Variants in JADE2 observed in about 807,000 individuals in gnomAD.
JADE2 encodes the protein E3 ubiquitin-protein ligase Jade-2.
JADE2 carries 13 observed loss-of-function variants against 85.7 expected under a neutral mutation model. The ratio of observed to expected loss-of-function variants is 0.15; its 90% CI spans 0.10 to 0.24. JADE2 has a LOEUF of 0.24. Ranked by LOEUF, JADE2 falls within the 10% of genes least tolerant of loss-of-function variation. JADE2 has a pLI of 1.00. For missense variants in JADE2, 846 were observed against 1,115.9 expected (o/e 0.76, Z 3.45); for synonymous variants, 440 against 456.1 (o/e 0.96, Z 0.45).
At chr5:134,574,001 C>A (rs973978992) in intron 10 of JADE2, 7 of 599,644 alleles carry the variant, frequency 1.2e-5, no homozygotes, top group Non-Finnish European at 1.8e-5. Flanking sequence ...ATCAGGCCTG[C>A]CCTCAGGGAG....
intron 1 of JADE2, among the ~76,000 whole-genome samples, chr5:134,530,199 G>A (rs1761143890): frequency 6.6e-6 from 1 of 152,210 alleles, no homozygotes. Flanking sequence ...CTTGTTTTCT[G>A]AATGTCTGGC....
intron 10 of JADE2, 44 bp downstream of exon 10, chr5:134,573,806 C>G (rs1381423967): frequency 1.7e-6 from 2 of 1,199,662 alleles, no homozygotes; most frequent in East Asian, 2.3e-5. Flanking sequence ...CCTGTGCCCT[C>G]TCTTGCGGGG....
intron 4 of JADE2, among the ~76,000 whole-genome samples, chr5:134,559,512 T>G (rs896812548): frequency 6.6e-6 from 1 of 152,118 alleles, no homozygotes; most frequent in Non-Finnish European, 1.5e-5. Context: ...TGGCAGGAAG[T>G]GGGATGAGCT....
At chr5:134,550,354 TCTC>T (rs756212674) in intron 3 of JADE2, among the ~76,000 whole-genome samples, 3 of 152,150 alleles carry the variant, frequency 2.0e-5, no homozygotes, top group Non-Finnish European at 4.4e-5. Flanking sequence ...ATTCCAGTGT[TCTC>T]CTTGTGGTTT....
chr5:134,556,496 A>G (rs1223066694), intron 4 of JADE2, among the ~76,000 whole-genome samples: 6 of 123,596 alleles, frequency 4.9e-5, no homozygotes, highest in Non-Finnish European at 7.0e-5. Context: ...CACATACCAC[A>G]TGCACACACA....
At position 134,578,686 on chromosome 5, in the gene JADE2, G is replaced by T. The variant is rs746421512; in HGVS notation, c.1874G>T (p.Arg625Leu). The T allele has an allele frequency of 6.2e-7, 1 of 1,613,894 alleles. No homozygotes were observed. Reference protein sequence around the residue: ...QDEETLLSFMRDPSLRPGDPA... With the variant: ...QDEETLLSFMLDPSLRPGDPA... ...GAGGAGACACTGCTCAGCTTCATGC[G>T]GGACCCCTCGCTGCGACCTGGTGAC... The change falls in exon 12 of 12, where the codon CGG becomes CTG. Residue 625 changes from arginine to leucine, a missense_variant. Around this residue, in one of 9 missense-constraint regions of JADE2, gnomAD observed 300 missense variants for 300.7 expected, o/e 1.00. Coordinates refer to ENST00000681547, the MANE Select transcript of JADE2 (RefSeq NM_001388185.1). This position sits in a 1 kb window ranked among gnomAD's most constrained non-coding sequence, Gnocchi z 4.4.
chr5:134,578,738 C>G lies in JADE2; in HGVS notation c.1926C>G (p.Thr642=), dbSNP rs752295250. ...GDPARKARGR[T]RLPAKKKPPP... ...CTGCTAGGAAGGCCCGAGGCCGCACCCGCCTGCCTGCCAAGAAGAAACCAC... is the reference window on the plus strand; with the variant it reads ...CTGCTAGGAAGGCCCGAGGCCGCACGCGCCTGCCTGCCAAGAAGAAACCAC... Residue 642 remains threonine (T), a synonymous_variant, in exon 12 of 12, where the codon ACC becomes ACG. Coordinates refer to ENST00000681547, the MANE Select transcript of JADE2 (RefSeq NM_001388185.1). The surrounding 1 kb of genome is among the most constrained non-coding windows in gnomAD (Gnocchi z 4.4). 1.2e-6 allele frequency: 2 copies of G among 1,613,608 alleles called. No individual in the cohort carries two copies. Among genetic ancestry groups the G allele is most frequent in the Non-Finnish European group, 1.7e-6 (2 of 1,179,956 alleles).
Position 134,581,518 on chromosome 5 carries a change from C to G in JADE2, c.*2201C>G, listed in dbSNP as rs1394528045. 1 of 152,520 alleles carries G rather than the reference C, an allele frequency of 6.6e-6. No individual in the cohort carries two copies. The highest frequency in any genetic ancestry group is 1.5e-5 in the Non-Finnish European group (1 of 68,206). The allele number at this position is 152,520 out of a possible 1,614,324, so 9.4% of individuals were successfully genotyped here. The stretch of plus-strand genomic sequence containing the variant: ...GCACTTGGCCCCTTGCCCCTTCACA[C>G]CATCCTGGGGCAGGGGCTGGGCCTC... On this transcript the variant is annotated 3_prime_UTR_variant, in exon 12 of 12. Coordinates refer to ENST00000681547, the MANE Select transcript of JADE2 (RefSeq NM_001388185.1).
chr5:134,535,862 A>C lies in JADE2; in HGVS notation c.5A>C (p.Glu2Ala). 1 of 1,613,974 alleles carries C rather than the reference A, an allele frequency of 6.2e-7. No homozygotes were observed. The highest frequency in any genetic ancestry group is 8.5e-7 in the Non-Finnish European group (1 of 1,179,914). The stretch of plus-strand genomic sequence containing the variant: ...TGGGCTTGCCTTTTGTTGCAGATGG[A>C]AGAGAAGAGGCGAAAATACTCCATC... M[E>A]EKRRKYSISS... is the part of the protein sequence containing the mutation. Residue 2 changes from glutamate to alanine, a missense_variant, in exon 2 of 12, where the codon GAA becomes GCA. This residue lies in a region of JADE2 where 47 missense variants were observed against 42.2 expected (regional missense o/e 1.11). Transcript: ENST00000681547.
intron 4 of JADE2, among the ~76,000 whole-genome samples, chr5:134,556,635 C>A: frequency 1.2e-5 from 1 of 82,852 alleles, no homozygotes; most frequent in South Asian, 5.0e-4. Context: ...ACACACACAC[C>A]TCACACATCA....
intron 4 of JADE2, among the ~76,000 whole-genome samples, chr5:134,557,530 C>A (rs1272479207): frequency 5.4e-5 from 6 of 110,950 alleles, no homozygotes; most frequent in East Asian, 2.5e-4. Flanking sequence ...TCCCTCCCCC[C>A]TCCCCCGAAC....
chr5:134,574,115 C>T, intron 10 of JADE2: 1 of 350,292 alleles, frequency 2.9e-6, no homozygotes, highest in Non-Finnish European at 5.4e-6. Flanking sequence ...GCAGGAAGGG[C>T]CAGAAGCTGG....
chr5:134,568,212 G>T (rs1209077654), intron 9 of JADE2, among the ~76,000 whole-genome samples: 1 of 152,212 alleles, frequency 6.6e-6, no homozygotes, highest in South Asian at 2.1e-4. Context: ...ACTTGAGGAA[G>T]ATCCTCCCAG....
chr5:134,553,485 C>G (rs1472188609), intron 4 of JADE2, among the ~76,000 whole-genome samples: 3 of 152,118 alleles, frequency 2.0e-5, no homozygotes, highest in African/African-American at 7.2e-5. Context: ...TCCCGAATAG[C>G]TGGGATGACA....
intron 2 of JADE2, among the ~76,000 whole-genome samples, chr5:134,537,629 G>A (rs1190824964): frequency 3.3e-5 from 5 of 152,150 alleles, no homozygotes; most frequent in Non-Finnish European, 7.3e-5. Context: ...CAGAGTATTT[G>A]GACAGTACCT....
rs1389357342 is a variant in JADE2 at position 134,580,444 on chromosome 5, A to AT, written c.*1128dup. On this transcript the variant is annotated 3_prime_UTR_variant, in exon 12 of 12. Coordinates refer to ENST00000681547, the MANE Select transcript of JADE2 (RefSeq NM_001388185.1). Reference sequence around the variant, plus strand: ...CAGCCATCCCCCCCCCCGTCCTGCCATCCCCCCCCGCCGTCCTGCCTTCCC... The same window carrying AT: ...CAGCCATCCCCCCCCCCGTCCTGCCATTCCCCCCCCGCCGTCCTGCCTTCCC... The AT allele has an allele frequency of 4.8e-5, 2 of 41,446 alleles. No individual in the cohort carries two copies. Among genetic ancestry groups the AT allele is most frequent in the African/African-American group, 9.7e-5 (1 of 10,320 alleles). 2.6% of individuals were successfully genotyped at this position (41,446 alleles called of 1,614,324 possible).
upstream of JADE2, among the ~76,000 whole-genome samples, chr5:134,525,382 G>A (rs565248817): frequency 1.8e-3 from 281 of 152,090 alleles, no homozygotes; most frequent in African/African-American, 6.3e-3. Flanking sequence ...GAGTCCATGG[G>A]GAGTCCGGGC....
rs1763634870 is a variant in JADE2 at position 134,566,261 on chromosome 5, A to G, written c.1115A>G (p.Glu372Gly). Residue 372 changes from glutamate to glycine, a missense_variant, in exon 9 of 12, where the codon GAG becomes GGG. By Grantham distance (98) the Glu-to-Gly change is moderately conservative. This residue lies in a region of JADE2 where 88 missense variants were observed against 140.6 expected (regional missense o/e 0.63). Transcript: ENST00000681547. The surrounding 1 kb of genome is among the most constrained non-coding windows in gnomAD (Gnocchi z 6.7). ...CACAGTGACGGGGGCCCACGTAATG[A>G]GCCCACATCTGAGCCCACGGAACCC... ...QEHSDGGPRN[E>G]PTSEPTEPSQ... 6.2e-7 allele frequency: 1 copy of G among 1,614,020 alleles called. No individual in the cohort carries two copies. The highest frequency in any genetic ancestry group is 8.5e-7 in the Non-Finnish European group (1 of 1,180,042).
At chr5:134,547,487 T>C (rs1762359928) in intron 3 of JADE2, among the ~76,000 whole-genome samples, 1 of 152,380 alleles carries the variant, frequency 6.6e-6, no homozygotes, top group Admixed American at 6.5e-5. Flanking sequence ...CTTCCAACTT[T>C]CTTGCCACAG....
Sources: gnomAD v4.1 joint callset for allele counts (sites outside exome capture counted in the v4.1 genomes callset) on GRCh38, gnomAD v4.1.1 for gene constraint, gnomAD v4.1.1 regional missense constraint, Gnocchi (gnomAD v3.1) non-coding constraint, MANE v1.5 for transcripts, NCBI Gene and HGNC (gene_info 2026-07-23, HGNC 2026-07-21) for gene names.